Variants in ARFGEF2 observed in about 807,000 individuals in gnomAD.
The protein encoded by ARFGEF2 is ARF guanine nucleotide exchange factor 2, also known as brefeldin A-inhibited guanine nucleotide-exchange protein 2.
Under a neutral mutation model 219.9 loss-of-function variants are expected in ARFGEF2, and 74 were observed. The ratio of observed to expected loss-of-function variants is 0.34; its 90% CI spans 0.28 to 0.41. ARFGEF2 has a LOEUF of 0.41. ARFGEF2 is among the 10% of genes least tolerant of loss of function. The probability of loss-of-function intolerance (pLI) is 1.00; values close to 1 mark genes in which losing one functional copy is unlikely to be tolerated. For synonymous variants in ARFGEF2, 733 were observed against 799.2 expected, an observed-to-expected ratio of 0.92 and a Z score of 1.40; for missense variants, 1,743 against 2,218.3, an observed-to-expected ratio of 0.79 and a Z score of 4.30.
At chr20:48,970,337 G>A (rs528747874) in intron 9 of ARFGEF2, among the ~76,000 whole-genome samples, 17 of 151,734 alleles carry the variant, frequency 1.1e-4, no homozygotes, top group African/African-American at 3.1e-4. Flanking sequence ...TAGGCCGGGC[G>A]CGGTAGCTCA....
Position 48,950,814 on chromosome 20 carries a change from ATATATATATATATATATATATAT to A in ARFGEF2, c.277-508_277-486del, listed in dbSNP as rs2091065184. Reference sequence around the variant, plus strand: ...CTGTCTAAAAAAAAAAAAAAAAAATATATATATATATATATATATATATATATATATATGTATGTATATACATG... The same window carrying A: ...CTGTCTAAAAAAAAAAAAAAAAAATAATATATATATGTATGTATATACATG... On this transcript the variant is annotated intron_variant, in intron 3 of 38. Transcript: ENST00000371917. 1.2e-4 allele frequency among the ~76,000 whole-genome samples: 6 copies of A among 50,864 alleles called. No individual in the cohort carries two copies. The South Asian group carries it at 4.6e-3, about 39-fold the overall frequency. 33.4% of individuals were successfully genotyped at this position (50,864 alleles called of 152,430 possible).
chr20:49,032,915 A>C, intron 38 of ARFGEF2, 108 bp from the exon 39 acceptor site: 1 of 1,115,930 alleles, frequency 9.0e-7, no homozygotes, highest in Non-Finnish European at 1.3e-6. Context: ...TAGCAAGAAA[A>C]GCACCAATAT....
intron 3 of ARFGEF2, among the ~76,000 whole-genome samples, chr20:48,948,474 G>A (rs2091043467): frequency 6.6e-6 from 1 of 152,022 alleles, no homozygotes; most frequent in Non-Finnish European, 1.5e-5. Flanking sequence ...GTGACTCTTT[G>A]GATTCCTATC....
intron 27 of ARFGEF2, 47 bp from the exon 28 acceptor site, chr20:49,011,877 A>G (rs2091500913): frequency 1.9e-6 from 3 of 1,610,068 alleles, no homozygotes; most frequent in Non-Finnish European, 8.5e-7. Flanking sequence ...TTTCATCCCC[A>G]TTTCTAAATC....
At chr20:48,976,284 A>C in intron 14 of ARFGEF2, 85 bp downstream of exon 14, 1 of 1,530,910 alleles carries the variant, frequency 6.5e-7, no homozygotes, top group Non-Finnish European at 8.9e-7. Flanking sequence ...TAAAAAGGAA[A>C]TGCCTGTTTA....
At chr20:49,012,791 A>G (rs2091508087) in intron 28 of ARFGEF2, among the ~76,000 whole-genome samples, 1 of 152,216 alleles carries the variant, frequency 6.6e-6, no homozygotes, top group African/African-American at 2.4e-5. Flanking sequence ...ATGTTGATTC[A>G]TTTAGTCCCC....
intron 1 of ARFGEF2, among the ~76,000 whole-genome samples, chr20:48,932,126 G>A (rs775082645): frequency 2.0e-5 from 3 of 152,128 alleles, no homozygotes; most frequent in Admixed American, 6.5e-5. Context: ...CTGAGAAGGC[G>A]GATAGGGATG....
At chr20:48,946,273 T>A (rs1214026907) in intron 3 of ARFGEF2, among the ~76,000 whole-genome samples, 2 of 152,150 alleles carry the variant, frequency 1.3e-5, no homozygotes. Context: ...CACAGTTAGC[T>A]CAGGCTTCCT....
rs1490291956 is a variant in ARFGEF2, at chr20:49,035,850, T to A, written c.*2651T>A. ...CAACAAACAGTGGATGGGTAATTTT[T>A]ATTTCTGATACGCATCTTTAGAGTC... On this transcript the variant is annotated 3_prime_UTR_variant, in exon 39 of 39. Coordinates refer to ENST00000371917, the MANE Select transcript of ARFGEF2 (RefSeq NM_006420.3). The A allele has an allele frequency of 4.1e-6, 1 of 244,338 alleles. No homozygotes were observed. 15.1% of individuals were successfully genotyped at this position (244,338 alleles called of 1,614,324 possible).
At chr20:49,018,213 G>A (rs950525342) in intron 33 of ARFGEF2, among the ~76,000 whole-genome samples, 17 of 152,220 alleles carry the variant, frequency 1.1e-4, no homozygotes, top group Admixed American at 5.9e-4. Flanking sequence ...GTCTTCTGCT[G>A]TTAAATTTTT....
chr20:48,954,834 T>A (rs752299071), intron 6 of ARFGEF2, among the ~76,000 whole-genome samples: 7 of 152,166 alleles, frequency 4.6e-5, no homozygotes, highest in Non-Finnish European at 8.8e-5. Context: ...CTAAGGAAGG[T>A]GCTCAGAATC....
At chr20:49,027,015 G>A (rs1272436227) in intron 36 of ARFGEF2, among the ~76,000 whole-genome samples, 3 of 152,058 alleles carry the variant, frequency 2.0e-5, no homozygotes, top group Non-Finnish European at 4.4e-5. Context: ...GTTTGTGAGA[G>A]TCGTTTGCAT....
At chr20:48,972,452 A>G (rs529418221) in intron 11 of ARFGEF2, 27 bp downstream of exon 11, 2 of 1,530,200 alleles carry the variant, frequency 1.3e-6, no homozygotes, top group Non-Finnish European at 1.8e-6. Context: ...ACACTCATCC[A>G]CTGGACTTCT....
chr20:48,969,104 G>T lies in ARFGEF2; in HGVS notation c.1060-43G>T, dbSNP rs756992340. ...GCCTCTGGAGTAGCTGGGACTACAG[G>T]TGGGTGCCACCACACCCAGCTGATG... On this transcript the variant is annotated intron_variant, in intron 8 of 38. Transcript: ENST00000371917. The T allele has an allele frequency of 4.4e-6, 7 of 1,596,702 alleles. No individual in the cohort carries two copies. In the South Asian group the frequency reaches 6.7e-5, roughly 15 times the overall value.
intron 25 of ARFGEF2, among the ~76,000 whole-genome samples, chr20:49,004,170 G>C (rs1292819637): frequency 6.6e-6 from 1 of 152,038 alleles, no homozygotes; most frequent in Non-Finnish European, 1.5e-5. Flanking sequence ...AGACCAGCCT[G>C]GCCAACATGG....
intron 3 of ARFGEF2, among the ~76,000 whole-genome samples, chr20:48,949,771 G>A (rs1329300851): frequency 1.3e-5 from 2 of 152,124 alleles, no homozygotes; most frequent in Non-Finnish European, 2.9e-5. Flanking sequence ...AGGAACCTGA[G>A]TCCCCCTGGT....
At chr20:49,019,496 A>G (rs943354036) in intron 34 of ARFGEF2, among the ~76,000 whole-genome samples, 3 of 152,218 alleles carry the variant, frequency 2.0e-5, no homozygotes, top group African/African-American at 7.2e-5. Context: ...CTTAACAGAC[A>G]TTTATATTAC....
At chr20:48,999,025 C>T (rs1210180641) in intron 25 of ARFGEF2, among the ~76,000 whole-genome samples, 1 of 151,666 alleles carries the variant, frequency 6.6e-6, no homozygotes, top group Admixed American at 6.6e-5. Flanking sequence ...ATCACAAGGT[C>T]AGGAGTTTGA....
chr20:48,987,381 CAT>C (rs1303152104), intron 16 of ARFGEF2, among the ~76,000 whole-genome samples: 2 of 152,242 alleles, frequency 1.3e-5, no homozygotes, highest in Admixed American at 1.3e-4. Flanking sequence ...TGTACATCCA[CAT>C]GTTGTCCTTC....
Sources: allele counts gnomAD v4.1 joint callset (sites outside exome capture counted in the v4.1 genomes callset), GRCh38; gene constraint gnomAD v4.1.1; transcripts MANE v1.5; gene names NCBI Gene and HGNC (gene_info 2026-07-23, HGNC 2026-07-21).